ADRA1B: variants seen among roughly 807,000 people sequenced by gnomAD.
ADRA1B encodes the protein adrenoceptor alpha 1B.
ADRA1B carries 17 observed loss-of-function variants against 17.9 expected under a neutral mutation model. The ratio of observed to expected loss-of-function variants is 0.95; its 90% confidence interval spans 0.65 to 1.42. The LOEUF (loss-of-function observed/expected upper bound fraction) is 1.42. ADRA1B is among the 40% of genes most tolerant of loss of function. The pLI is 0.00. For synonymous variants in ADRA1B, 366 were observed against 327.6 expected (o/e 1.12, Z -1.27); for missense variants, 681 against 722.1 (o/e 0.94, Z 0.65).
chr5:159,884,255 G>C (rs1246761881), intron 1 of ADRA1B, among the ~76,000 whole-genome samples: 1 of 152,180 alleles, frequency 6.6e-6, no homozygotes, highest in Non-Finnish European at 1.5e-5. Context: ...TTGTGTTATG[G>C]CTTGAAAGTT....
chr5:159,970,828 A>G (rs184977516), intron 1 of ADRA1B, among the ~76,000 whole-genome samples: 2 of 152,318 alleles, frequency 1.3e-5, no homozygotes, highest in Admixed American at 6.5e-5. Context: ...TTGGAGAGAC[A>G]GGGACTTGCT....
At chr5:159,943,369 T>G (rs912095254) in intron 1 of ADRA1B, among the ~76,000 whole-genome samples, 1 of 152,216 alleles carries the variant, frequency 6.6e-6, no homozygotes, top group Non-Finnish European at 1.5e-5. Context: ...AGCTCTCATA[T>G]TCTCCCAGAG....
chr5:159,892,167 G>C (rs1174596496), intron 1 of ADRA1B, among the ~76,000 whole-genome samples: 1 of 152,136 alleles, frequency 6.6e-6, no homozygotes, highest in African/African-American at 2.4e-5. Context: ...AACCCGGGAG[G>C]TGGAGGTTGC....
chr5:159,881,098 C>A (rs557199239), intron 1 of ADRA1B, among the ~76,000 whole-genome samples: 2 of 144,208 alleles, frequency 1.4e-5, no homozygotes, highest in African/African-American at 5.2e-5. Context: ...GGCGTGAACC[C>A]AGGAAGCGGA....
intron 1 of ADRA1B, among the ~76,000 whole-genome samples, chr5:159,908,022 C>G (rs2113129979): frequency 6.6e-6 from 1 of 152,094 alleles, no homozygotes; most frequent in South Asian, 2.1e-4. Context: ...AATTTTTGCC[C>G]TCCTTAAAGA....
intron 1 of ADRA1B, among the ~76,000 whole-genome samples, chr5:159,899,263 AAAGGAAGGAAGGAAGGAAGGAAGG>A (rs199633101): frequency 3.8e-5 from 4 of 106,410 alleles, no homozygotes; most frequent in Non-Finnish European, 3.9e-5. Context: ...AGGAAGGAAG[AAAGGAAGGAAGGAAGGAAGGAAGG>A]AAGGAAGGAA....
chr5:159,946,425 G>A (rs1449636790), intron 1 of ADRA1B, among the ~76,000 whole-genome samples: 2 of 152,236 alleles, frequency 1.3e-5, no homozygotes, highest in Middle Eastern at 3.4e-3. Context: ...AACACATCCC[G>A]GTAAGCAGCA....
chr5:159,883,783 T>G (rs1048731187), intron 1 of ADRA1B, among the ~76,000 whole-genome samples: 1 of 152,228 alleles, frequency 6.6e-6, no homozygotes, highest in Non-Finnish European at 1.5e-5. Context: ...ATAATTCACT[T>G]TGCCAGATTC....
intron 1 of ADRA1B, among the ~76,000 whole-genome samples, chr5:159,882,526 C>T (rs547280135): frequency 2.6e-5 from 4 of 152,348 alleles, no homozygotes; most frequent in African/African-American, 9.6e-5. Context: ...CCTCCTTCTG[C>T]TGGCACGGGT....
chr5:159,924,243 G>A (rs1371563660), intron 1 of ADRA1B, among the ~76,000 whole-genome samples: 2 of 144,464 alleles, frequency 1.4e-5, no homozygotes, highest in Non-Finnish European at 3.1e-5. Flanking sequence ...GCACTTCTTT[G>A]ATGGAACGAT....
At chr5:159,899,155 G>A (rs1754067796) in intron 1 of ADRA1B, among the ~76,000 whole-genome samples, 1 of 149,934 alleles carries the variant, frequency 6.7e-6, no homozygotes, top group Non-Finnish European at 1.5e-5. Context: ...AGGAAGGAAG[G>A]AAGGAAGAAA....
At chr5:159,944,639 A>G (rs1206585839) in intron 1 of ADRA1B, among the ~76,000 whole-genome samples, 1 of 151,734 alleles carries the variant, frequency 6.6e-6, no homozygotes, top group Non-Finnish European at 1.5e-5. Context: ...ACCATTTACC[A>G]TGTGCCAGGC....
chr5:159,889,668 C>A (rs1178931230), intron 1 of ADRA1B, among the ~76,000 whole-genome samples: 1 of 152,186 alleles, frequency 6.6e-6, no homozygotes, highest in Non-Finnish European at 1.5e-5. Context: ...ATCTGGGGTT[C>A]AATGGCATTC....
chr5:159,905,958 G>A (rs1057056919), intron 1 of ADRA1B, among the ~76,000 whole-genome samples: 3 of 151,820 alleles, frequency 2.0e-5, no homozygotes, highest in Non-Finnish European at 4.4e-5. Context: ...CCAGGTTCAA[G>A]CAGTTCTCCT....
intron 1 of ADRA1B, among the ~76,000 whole-genome samples, chr5:159,921,024 G>C (rs912994568): frequency 6.6e-6 from 1 of 152,204 alleles, no homozygotes; most frequent in Non-Finnish European, 1.5e-5. Flanking sequence ...GGGAGAGAAG[G>C]GTTGGGATCT....
intron 1 of ADRA1B, among the ~76,000 whole-genome samples, chr5:159,898,431 A>T (rs142122033): frequency 4.1e-4 from 62 of 151,890 alleles, no homozygotes; most frequent in African/African-American, 1.5e-3. Flanking sequence ...GATGACTGAA[A>T]CTCTGATAAA....
At chr5:159,955,198 A>G (rs906491775) in intron 1 of ADRA1B, 3 of 985,260 alleles carry the variant, frequency 3.0e-6, no homozygotes, top group Non-Finnish European at 3.6e-6. Context: ...TTCACTCTGT[A>G]TTGGAGAAGT....
At chr5:159,887,087 C>T (rs1362874300) in intron 1 of ADRA1B, among the ~76,000 whole-genome samples, 1 of 152,146 alleles carries the variant, frequency 6.6e-6, no homozygotes, top group Non-Finnish European at 1.5e-5. Context: ...AGACAGGTGT[C>T]AGACTCATTC....
At chr5:159,914,317 A>T (rs998152446), upstream of ADRA1B, among the ~76,000 whole-genome samples, 1 of 151,292 alleles carries the variant, frequency 6.6e-6, no homozygotes, top group Non-Finnish European at 1.5e-5. Flanking sequence ...CTGCAGGAGC[A>T]GAAGGAGCAC....
Sources: gnomAD v4.1 joint callset for allele counts (sites outside exome capture counted in the v4.1 genomes callset) on GRCh38, gnomAD v4.1.1 for gene constraint, MANE v1.5 for transcripts, NCBI Gene and HGNC (gene_info 2026-07-23, HGNC 2026-07-21) for gene names.